COL23A1: variants seen among roughly 807,000 people sequenced by gnomAD.
The protein encoded by COL23A1 is collagen type XXIII alpha 1 chain.
A neutral mutation model predicts 99.3 loss-of-function variants in COL23A1; 97 were observed. The ratio of observed to expected loss-of-function variants is 0.98; its 90% CI spans 0.83 to 1.16. The LOEUF (loss-of-function observed/expected upper bound fraction) is 1.16, where lower values mean the gene tolerates loss of function less well. Ranked by LOEUF, COL23A1 falls within the 50% of genes most tolerant of loss-of-function variation. The probability of loss-of-function intolerance (pLI) is 0.00; values close to 1 mark genes in which losing one functional copy is unlikely to be tolerated. For synonymous variants in COL23A1, 320 were observed against 308.2 expected (o/e 1.04, Z -0.40); for missense variants, 762 against 757.4 (o/e 1.01, Z -0.07).
chr5:178,416,182 A>C (rs1378682258), intron 2 of COL23A1, among the ~76,000 whole-genome samples: 1 of 152,116 alleles, frequency 6.6e-6, no homozygotes, highest in African/African-American at 2.4e-5. Context: ...ATGAGCATCC[A>C]GGTTGTTGTA....
intron 1 of COL23A1, among the ~76,000 whole-genome samples, chr5:178,583,290 G>A (rs1763753148): frequency 6.6e-6 from 1 of 152,214 alleles, no homozygotes; most frequent in Non-Finnish European, 1.5e-5. Flanking sequence ...TCATGCCACT[G>A]AGGTGGAATT....
At chr5:178,560,560 G>T in intron 2 of COL23A1, 122 bp downstream of exon 2, 1 of 798,866 alleles carries the variant, frequency 1.3e-6, no homozygotes, top group South Asian at 1.8e-5. Context: ...AAGGCCCCAG[G>T]CCAGTGCACG....
chr5:178,429,000 G>A lies in COL23A1; in HGVS notation c.362-122081C>T, dbSNP rs1766103529. ...AGTGCTGCCCAGGCCCAGCACCCGG[G>A]GTGCGGGTGTACCTTCTTTTCTGCT... On this transcript the variant is annotated intron_variant, in intron 2 of 28. Coordinates refer to ENST00000390654, the MANE Select transcript of COL23A1 (RefSeq NM_173465.4). The surrounding 1 kb of genome is among the most constrained non-coding windows in gnomAD (Gnocchi z 5.0). 6.6e-6 allele frequency among the ~76,000 whole-genome samples: 1 copy of A among 152,064 alleles called. No individual in the cohort carries two copies. The highest frequency in any genetic ancestry group is 2.4e-5 in the African/African-American group (1 of 41,428).
At chr5:178,540,743 G>A (rs1761240757) in intron 2 of COL23A1, among the ~76,000 whole-genome samples, 1 of 152,090 alleles carries the variant, frequency 6.6e-6, no homozygotes. Flanking sequence ...GCAACACAGT[G>A]AGACTCCATC....
At chr5:178,382,398 A>G (rs1365527818) in intron 2 of COL23A1, among the ~76,000 whole-genome samples, 1 of 151,938 alleles carries the variant, frequency 6.6e-6, no homozygotes, top group Non-Finnish European at 1.5e-5. Flanking sequence ...AAAGGATGAG[A>G]ATCATGTTGG....
intron 2 of COL23A1, among the ~76,000 whole-genome samples, chr5:178,367,603 G>C (rs1356636552): frequency 6.6e-6 from 1 of 152,182 alleles, no homozygotes; most frequent in East Asian, 1.9e-4. Context: ...ACATGTTAGG[G>C]AGGCTGGGGG....
rs941276901 is a variant in COL23A1 at position 178,304,325 on chromosome 5, G to A, written c.406+2550C>T. 4.6e-5 allele frequency among the ~76,000 whole-genome samples: 7 copies of A among 152,146 alleles called. No homozygotes were observed. The East Asian group carries it at 5.8e-4, about 13-fold the overall frequency. ...GGTGTTCAAGACCAGCCTGGCCAACGTGGTGAAATCCCCCGTCTCTATTAA... is the reference window on the plus strand; with the variant it reads ...GGTGTTCAAGACCAGCCTGGCCAACATGGTGAAATCCCCCGTCTCTATTAA... On this transcript the variant is annotated intron_variant, in intron 3 of 28. Coordinates refer to ENST00000390654, the MANE Select transcript of COL23A1 (RefSeq NM_173465.4).
chr5:178,304,623 T>C (rs1225753647), intron 3 of COL23A1, among the ~76,000 whole-genome samples: 1 of 150,522 alleles, frequency 6.6e-6, no homozygotes, highest in Admixed American at 6.6e-5. Context: ...TGTGTGTAAC[T>C]ATCTAGAAAT....
At chr5:178,343,548 G>GGT (rs1760787277) in intron 2 of COL23A1, among the ~76,000 whole-genome samples, 1 of 151,974 alleles carries the variant, frequency 6.6e-6, no homozygotes, top group Admixed American at 6.6e-5. Context: ...AAGAGGAAGG[G>GGT]GTGTGGATGG....
intron 2 of COL23A1, among the ~76,000 whole-genome samples, chr5:178,357,716 G>GTGA (rs1440287004): frequency 9.9e-6 from 1 of 100,624 alleles, no homozygotes; most frequent in African/African-American, 3.3e-5. Flanking sequence ...TAAAATGTGT[G>GTGA]TATGTGTGTG....
At chr5:178,369,026 G>A (rs1054669329) in intron 2 of COL23A1, among the ~76,000 whole-genome samples, 63 of 152,208 alleles carry the variant, frequency 4.1e-4, no homozygotes, top group Admixed American at 3.1e-3. Flanking sequence ...CAAGCTCCCC[G>A]CACACCCACC....
chr5:178,407,104 GAA>G (rs575868818), intron 2 of COL23A1, among the ~76,000 whole-genome samples: 1 of 152,212 alleles, frequency 6.6e-6, no homozygotes, highest in Non-Finnish European at 1.5e-5. Flanking sequence ...TGGTAACTCA[GAA>G]ACACCCACAG....
intron 6 of COL23A1, among the ~76,000 whole-genome samples, chr5:178,269,177 A>T (rs1451821152): frequency 6.6e-6 from 1 of 151,866 alleles, no homozygotes; most frequent in East Asian, 1.9e-4. Flanking sequence ...CTCCATAGGC[A>T]TTCTCTTCTT....
At chr5:178,467,475 G>A (rs1269568772) in intron 2 of COL23A1, among the ~76,000 whole-genome samples, 1 of 152,218 alleles carries the variant, frequency 6.6e-6, no homozygotes, top group Non-Finnish European at 1.5e-5. Context: ...CTACACGGAG[G>A]CAGTTTGTGT....
At chr5:178,338,585 CTGG>C (rs57346711) in intron 2 of COL23A1, among the ~76,000 whole-genome samples, 181 of 147,564 alleles carry the variant, frequency 1.2e-3, no homozygotes, top group South Asian at 3.4e-3. Context: ...TCCTGGGTCA[CTGG>C]CCAGCACCGG....
chr5:178,502,189 T>G (rs978444042), intron 2 of COL23A1, among the ~76,000 whole-genome samples: 1 of 152,226 alleles, frequency 6.6e-6, no homozygotes, highest in Non-Finnish European at 1.5e-5. Context: ...TGGAGTGCAG[T>G]GGCGTGATCT....
chr5:178,557,753 C>T (rs1762355043), intron 2 of COL23A1, among the ~76,000 whole-genome samples: 1 of 152,134 alleles, frequency 6.6e-6, no homozygotes. Flanking sequence ...AGCCTTGGAG[C>T]CGGGAAGAAT....
chr5:178,546,057 G>A (rs1338579887), intron 2 of COL23A1, among the ~76,000 whole-genome samples: 1 of 151,930 alleles, frequency 6.6e-6, no homozygotes, highest in Non-Finnish European at 1.5e-5. Context: ...AAGGAGCCGG[G>A]AGGCTGCCCG....
At chr5:178,331,926 G>C (rs1760049918) in intron 2 of COL23A1, among the ~76,000 whole-genome samples, 1 of 152,220 alleles carries the variant, frequency 6.6e-6, no homozygotes, top group Non-Finnish European at 1.5e-5. Flanking sequence ...CTTGGCTAGA[G>C]GGTGGGCACA....
Sources: allele counts gnomAD v4.1 joint callset (sites outside exome capture counted in the v4.1 genomes callset), GRCh38; gene constraint gnomAD v4.1.1; non-coding constraint Gnocchi (gnomAD v3.1); transcripts MANE v1.5; gene names NCBI Gene and HGNC (gene_info 2026-07-23, HGNC 2026-07-21).